Variants in MVB12B observed in about 807,000 individuals in gnomAD.
MVB12B encodes the protein ESCRT-I complex subunit MVB12B.
In MVB12B, 16 loss-of-function variants were observed where a neutral mutation model predicts 41.6. The observed-to-expected ratio is 0.38, with a 90% confidence interval of 0.26 to 0.58. The LOEUF (loss-of-function observed/expected upper bound fraction) is 0.58, where lower values mean the gene tolerates loss of function less well. Among genes scored for constraint, MVB12B ranks in the 20% least tolerant of loss-of-function variants. MVB12B has a pLI of 0.62. For synonymous variants in MVB12B, 133 were observed against 139.7 expected (o/e 0.95, Z 0.34); for missense variants, 274 against 380.2 (o/e 0.72, Z 2.32).
chr9:126,364,525 A>T (rs1008769095), intron 2 of MVB12B, among the ~76,000 whole-genome samples: 4 of 152,180 alleles, frequency 2.6e-5, no homozygotes, highest in Admixed American at 2.6e-4. Flanking sequence ...GGGGCTGCTG[A>T]AATGCTGGCT....
rs1564344020 is a variant in MVB12B, at chr9:126,473,650, G to T, written c.758-7719G>T. Among the ~76,000 whole-genome samples, 1 of 152,184 alleles carries T rather than the reference G, an allele frequency of 6.6e-6. No individual in the cohort carries two copies. Among genetic ancestry groups the T allele is most frequent in the Non-Finnish European group, 1.5e-5 (1 of 68,038 alleles). ...GGTGCCACACGCCTTTAAACAACCA[G>T]ATCTCGCGAGGACTCACTCGCTATC... On this transcript the variant is annotated intron_variant, in intron 7 of 9. Transcript: ENST00000361171. This position sits in a 1 kb window ranked among gnomAD's most constrained non-coding sequence, Gnocchi z 4.0.
chr9:126,381,352 T>C (rs1307551876), intron 3 of MVB12B, among the ~76,000 whole-genome samples, 181 bp downstream of exon 3: 1 of 152,220 alleles, frequency 6.6e-6, no homozygotes, highest in African/African-American at 2.4e-5. Context: ...AACAGTGTTA[T>C]TAACCACGTA....
In MVB12B at chr9:126,459,074, A is replaced by C. The variant is rs1427115677; in HGVS notation, c.758-22295A>C. ...TCTCTGAGGGTTCCTTTCATCCTGCAAGTTTTAAGGGCTCAGATCACAGCA... is the reference window on the plus strand; with the variant it reads ...TCTCTGAGGGTTCCTTTCATCCTGCCAGTTTTAAGGGCTCAGATCACAGCA... On this transcript the variant is annotated intron_variant, in intron 7 of 9. Coordinates refer to ENST00000361171, the MANE Select transcript of MVB12B (RefSeq NM_033446.3). This position sits in a 1 kb window ranked among gnomAD's most constrained non-coding sequence, Gnocchi z 4.3. Among the ~76,000 whole-genome samples the C allele has an allele frequency of 6.6e-6, 1 of 152,206 alleles. No individual in the cohort carries two copies. Among genetic ancestry groups the C allele is most frequent in the Non-Finnish European group, 1.5e-5 (1 of 68,032 alleles).
intron 2 of MVB12B, among the ~76,000 whole-genome samples, chr9:126,366,326 G>A (rs1231452345): frequency 6.6e-6 from 1 of 151,854 alleles, no homozygotes; most frequent in Non-Finnish European, 1.5e-5. Context: ...TTTGGTTACT[G>A]TTGACCAATT....
At position 126,395,478 on chromosome 9, in the gene MVB12B, G is replaced by A; in HGVS notation, c.540-97G>A. The A allele has an allele frequency of 7.0e-7, 1 of 1,428,754 alleles. No individual in the cohort carries two copies. The highest frequency in any genetic ancestry group is 9.7e-7 in the Non-Finnish European group (1 of 1,036,146). The allele number at this position is 1,428,754 out of a possible 1,614,324, so 88.5% of individuals were successfully genotyped here. A position where few individuals can be genotyped will look rare whatever the true frequency, so the allele number is the denominator to read the frequency against. ...GGCAAGAATTGATTCCCTGGTGTTTGAGGCCATGACTCTTTTAAATGAATT... is the reference window on the plus strand; with the variant it reads ...GGCAAGAATTGATTCCCTGGTGTTTAAGGCCATGACTCTTTTAAATGAATT... On this transcript the variant is annotated intron_variant, in intron 5 of 9. Transcript: ENST00000361171. This position sits in a 1 kb window ranked among gnomAD's most constrained non-coding sequence, Gnocchi z 4.9.
chr9:126,374,436 C>T (rs1252549348), intron 2 of MVB12B, among the ~76,000 whole-genome samples: 1 of 152,252 alleles, frequency 6.6e-6, no homozygotes, highest in East Asian at 1.9e-4. Flanking sequence ...TTCAGGGCTT[C>T]CTGAACGCAC....
In MVB12B at chr9:126,392,280, C is replaced by A; in HGVS notation, c.539+85C>A. ...CCAGGCAATGAGGTCCAAGAGATTT[C>A]CATGCAGCCCCCCAGGCTCTCAGCC... is the stretch of plus-strand genomic sequence containing the variant. On this transcript the variant is annotated intron_variant, in intron 5 of 9. Transcript: ENST00000361171. This position sits in a 1 kb window ranked among gnomAD's most constrained non-coding sequence, Gnocchi z 4.8. The A allele has an allele frequency of 1.3e-6, 2 of 1,497,862 alleles. No homozygotes were observed. The highest frequency in any genetic ancestry group is 1.8e-6 in the Non-Finnish European group (2 of 1,088,156). The allele number at this position is 1,497,862 out of a possible 1,614,324, so 92.8% of individuals were successfully genotyped here.
chr9:126,345,684 ACTTC>A (rs2118841044), intron 2 of MVB12B, among the ~76,000 whole-genome samples: 1 of 152,300 alleles, frequency 6.6e-6, no homozygotes, highest in African/African-American at 2.4e-5. Flanking sequence ...TTACAGTCTT[ACTTC>A]CTTCTGCTCA....
At chr9:126,452,996 A>G (rs2119163140) in intron 7 of MVB12B, among the ~76,000 whole-genome samples, 1 of 152,186 alleles carries the variant, frequency 6.6e-6, no homozygotes, top group South Asian at 2.1e-4. Flanking sequence ...TCTGGACTCA[A>G]GTCCCAGCTC....
chr9:126,412,511 C>G (rs958544907), intron 6 of MVB12B, among the ~76,000 whole-genome samples: 1 of 152,230 alleles, frequency 6.6e-6, no homozygotes, highest in Non-Finnish European at 1.5e-5. Context: ...AGCACCACCA[C>G]GCTGGATGCT....
At chr9:126,355,044 G>A (rs1829844127) in intron 2 of MVB12B, among the ~76,000 whole-genome samples, 1 of 152,076 alleles carries the variant, frequency 6.6e-6, no homozygotes, top group African/African-American at 2.4e-5. Context: ...TTCTCCCTGT[G>A]GTTTTGATGA....
At chr9:126,414,627 T>C (rs911045692) in intron 6 of MVB12B, among the ~76,000 whole-genome samples, 2 of 152,138 alleles carry the variant, frequency 1.3e-5, no homozygotes, top group African/African-American at 4.8e-5. Context: ...CCTGGCACTA[T>C]CCTAAGTAGA....
intron 1 of MVB12B, chr9:126,327,219 C>T (rs1829006680): frequency 1.0e-6 from 1 of 983,676 alleles, no homozygotes; most frequent in Non-Finnish European, 1.2e-6. Flanking sequence ...GCTGCCGGTG[C>T]CCGGGCTCGG....
chr9:126,439,390 T>G (rs1832577167), intron 7 of MVB12B, among the ~76,000 whole-genome samples: 1 of 152,228 alleles, frequency 6.6e-6, no homozygotes. Context: ...ACACAGATTC[T>G]GTTAGAAACC....
At chr9:126,483,362 A>G (rs1005800387) in intron 8 of MVB12B, among the ~76,000 whole-genome samples, 1 of 152,212 alleles carries the variant, frequency 6.6e-6, no homozygotes, top group Non-Finnish European at 1.5e-5. Context: ...TGAAATTATA[A>G]AAACTCTCAT....
intron 7 of MVB12B, among the ~76,000 whole-genome samples, chr9:126,434,060 T>C (rs1439598216): frequency 2.6e-5 from 4 of 152,214 alleles, no homozygotes; most frequent in African/African-American, 9.6e-5. Flanking sequence ...TGAATGCATT[T>C]AACTGCTGAC....
At chr9:126,448,767 G>C (rs147388410) in intron 7 of MVB12B, among the ~76,000 whole-genome samples, 59 of 152,206 alleles carry the variant, frequency 3.9e-4, no homozygotes, top group Middle Eastern at 3.4e-3. Context: ...TATTACCAAG[G>C]GGATGGTGCT....
At position 126,326,976 on chromosome 9, in the gene MVB12B, C is replaced by T. The variant is rs1196058568; in HGVS notation, c.47C>T (p.Pro16Leu). 7.8e-6 allele frequency: 2 copies of T among 256,858 alleles called. No homozygotes were observed. The highest frequency in any genetic ancestry group is 3.4e-5 in the South Asian group (1 of 29,086). 15.9% of individuals were successfully genotyped at this position (256,858 alleles called of 1,614,324 possible). The change falls in exon 1 of 10, where the codon CCG becomes CTG. Residue 16 changes from proline to leucine, a missense_variant. Coordinates refer to ENST00000361171, the MANE Select transcript of MVB12B (RefSeq NM_033446.3). ...AGACGGAGCCGGGACCCGCCGCCGC[C>T]GCAGCCACCGCCGCCGCCGCCCCAG... ...CVRRSRDPPP[P>L]QPPPPPPQRG... is the part of the protein sequence containing the mutation.
chr9:126,471,262 T>C (rs1833309893), intron 7 of MVB12B, among the ~76,000 whole-genome samples: 2 of 152,312 alleles, frequency 1.3e-5, no homozygotes, highest in East Asian at 3.9e-4. Flanking sequence ...GGCACAATTA[T>C]CCTCATATGA....
Sources: allele counts gnomAD v4.1 joint callset (sites outside exome capture counted in the v4.1 genomes callset), GRCh38; gene constraint gnomAD v4.1.1; non-coding constraint Gnocchi (gnomAD v3.1); transcripts MANE v1.5; gene names NCBI Gene and HGNC (gene_info 2026-07-23, HGNC 2026-07-21).